The following SORBS2 variants were observed in gnomAD, a reference collection of about 807,000 sequenced individuals.
SORBS2 encodes the protein sorbin and SH3 domain-containing protein 2.
Under a neutral mutation model 97.7 loss-of-function variants are expected in SORBS2, and 46 were observed. The ratio of observed to expected loss-of-function variants is 0.47; its 90% CI spans 0.37 to 0.60. The LOEUF is 0.60. SORBS2 is among the 20% of genes least tolerant of loss of function. The pLI is 0.00. For missense variants in SORBS2, 1,316 were observed against 1,282.3 expected, an observed-to-expected ratio of 1.03 and a Z score of -0.40; for synonymous variants, 476 against 473.4, an observed-to-expected ratio of 1.01 and a Z score of -0.07.
chr4:185,646,464 T>C, intron 4 of SORBS2: 1 of 504,340 alleles, frequency 2.0e-6, no homozygotes, highest in Non-Finnish European at 3.5e-6. Context: ...CACATACACT[T>C]GTATTTGGTC....
intron 4 of SORBS2, among the ~76,000 whole-genome samples, chr4:185,664,112 C>A (rs2097563734): frequency 6.6e-6 from 1 of 151,998 alleles, no homozygotes; most frequent in African/African-American, 2.4e-5. Context: ...CCTCGGCCTC[C>A]CAAAGTGCTG....
chr4:185,733,782 A>C (rs1212148646), intron 2 of SORBS2, among the ~76,000 whole-genome samples: 1 of 152,170 alleles, frequency 6.6e-6, no homozygotes, highest in Non-Finnish European at 1.5e-5. Flanking sequence ...ACTCTGGGAG[A>C]AAAAAGCGAG....
Position 185,631,430 on chromosome 4 carries a change from C to T in SORBS2, c.397-832G>A, listed in dbSNP as rs368847688. On this transcript the variant is annotated intron_variant, in intron 4 of 14. Coordinates refer to ENST00000418609, the Ensembl canonical transcript of SORBS2. ...AAGGCAAGAGAGGACACTGAGCTAT[C>T]AAGTGTTTGAGGTGACACTGTGGTA... Among the ~76,000 whole-genome samples, 4 of 152,284 alleles carry T rather than the reference C, an allele frequency of 2.6e-5. No individual in the cohort carries two copies. In the East Asian group the frequency reaches 5.8e-4, roughly 22 times the overall value.
chr4:185,932,431 G>A (rs553839391), intron 1 of SORBS2, among the ~76,000 whole-genome samples: 30 of 151,950 alleles, frequency 2.0e-4, no homozygotes, highest in African/African-American at 7.0e-4. Flanking sequence ...TGGATGGCAA[G>A]GATGATTTTT....
chr4:185,869,883 G>A (rs934039264), intron 1 of SORBS2, among the ~76,000 whole-genome samples: 4 of 152,136 alleles, frequency 2.6e-5, no homozygotes, highest in East Asian at 1.9e-4. Flanking sequence ...TGGATTTCTC[G>A]AGGAATAATT....
rs574381180 is a variant in SORBS2, at chr4:185,595,894, TAA to T, written c.2797-1961_2797-1960del. On this transcript the variant is annotated intron_variant, in intron 12 of 14. Coordinates refer to ENST00000418609, the Ensembl canonical transcript of SORBS2. The stretch of plus-strand genomic sequence containing the variant: ...AAACTTCTGGCCAAAGAGTATGCAT[TAA>T]AGCCATATGATTTTGAGAATGTACA... Among the ~76,000 whole-genome samples the T allele has an allele frequency of 2.6e-5, 4 of 152,248 alleles. No homozygotes were observed. In the South Asian group the frequency reaches 8.3e-4, roughly 32 times the overall value.
rs142466007 is a variant in SORBS2 at position 185,861,108 on chromosome 4, G to A, written c.-337-85742C>T. Among the ~76,000 whole-genome samples, 763 of 152,202 alleles carry A rather than the reference G, an allele frequency of 5.0e-3. 7 individuals are homozygous for A. Among genetic ancestry groups the A allele is most frequent in the African/African-American group, 0.017 (725 of 41,518 alleles). ...TCAGGGCCTGCTGTCTATCTTGTTG[G>A]CATCATTGCTATAAACAGTCTGTTT... is the stretch of plus-strand genomic sequence containing the variant. On this transcript the variant is annotated intron_variant, in intron 1 of 20. Coordinates refer to the SORBS2 transcript ENST00000284776.
At chr4:185,764,148 A>G (rs1401281022) in intron 2 of SORBS2, among the ~76,000 whole-genome samples, 1 of 152,222 alleles carries the variant, frequency 6.6e-6, no homozygotes, top group Non-Finnish European at 1.5e-5. Flanking sequence ...AAACTCAAGC[A>G]TATCCAGCCA....
chr4:185,768,718 AAC>A (rs1491212393), intron 2 of SORBS2, among the ~76,000 whole-genome samples: 2,361 of 144,178 alleles, frequency 0.016, 65 homozygotes, highest in African/African-American at 0.044. Flanking sequence ...AAAACAAAAA[AAC>A]AAAAAAAAAT....
intron 2 of SORBS2, among the ~76,000 whole-genome samples, chr4:185,765,962 G>T (rs1043883369): frequency 2.6e-5 from 4 of 151,870 alleles, no homozygotes; most frequent in African/African-American, 9.7e-5. Context: ...TAGTCATAGT[G>T]GATATAAAAA....
intron 8 of SORBS2, 27 bp from the exon 21 acceptor site, chr4:185,618,658 C>G: frequency 6.8e-7 from 1 of 1,479,016 alleles, no homozygotes; most frequent in South Asian, 1.5e-5. Flanking sequence ...ACAATTAGCA[C>G]TAATTTAAAA....
chr4:185,875,109 C>G (rs1348237063), intron 1 of SORBS2, among the ~76,000 whole-genome samples: 1 of 151,968 alleles, frequency 6.6e-6, no homozygotes, highest in Non-Finnish European at 1.5e-5. Flanking sequence ...ACATCCAAAT[C>G]TGAGGGTAAA....
chr4:185,867,094 C>T (rs2099227296), intron 1 of SORBS2, among the ~76,000 whole-genome samples: 1 of 152,094 alleles, frequency 6.6e-6, no homozygotes, highest in Admixed American at 6.6e-5. Flanking sequence ...TCACTGCAAC[C>T]CCCGCCTCCC....
At chr4:185,808,308 TCCTC>T (rs1328463988) in intron 1 of SORBS2, among the ~76,000 whole-genome samples, 1 of 152,142 alleles carries the variant, frequency 6.6e-6, no homozygotes, top group Non-Finnish European at 1.5e-5. Flanking sequence ...ATTTTAAACT[TCCTC>T]ATCAATTCTA....
At chr4:185,682,066 CA>C (rs1422765334) in intron 2 of SORBS2, among the ~76,000 whole-genome samples, 1 of 152,116 alleles carries the variant, frequency 6.6e-6, no homozygotes, top group Non-Finnish European at 1.5e-5. Flanking sequence ...TTTCTATGTA[CA>C]ATTATAACCC....
At chr4:185,640,170 G>A (rs2097103199) in intron 4 of SORBS2, among the ~76,000 whole-genome samples, 1 of 152,164 alleles carries the variant, frequency 6.6e-6, no homozygotes, top group Non-Finnish European at 1.5e-5. Flanking sequence ...AAAAGCCTAA[G>A]TTATCCAAAA....
At chr4:185,599,586 A>C (rs1401619193) in intron 12 of SORBS2, among the ~76,000 whole-genome samples, 1 of 152,256 alleles carries the variant, frequency 6.6e-6, no homozygotes, top group Non-Finnish European at 1.5e-5. Flanking sequence ...ACACAGAAGC[A>C]AACATGACCG....
At position 185,823,093 on chromosome 4, in the gene SORBS2, G is replaced by A. The variant is rs151302263; in HGVS notation, c.-337-47727C>T. ...GTTTTACGGAGTGTCAGAGGAATAC[G>A]TACTGACTCTTCCCCTGCCCGCTCC... On this transcript the variant is annotated intron_variant, in intron 1 of 20. Transcript: ENST00000284776. Among the ~76,000 whole-genome samples, 27 of 152,272 alleles carry A rather than the reference G, an allele frequency of 1.8e-4. 1 individual carries two copies. Among genetic ancestry groups the A allele is most frequent in the African/African-American group, 4.6e-4 (19 of 41,550 alleles).
At chr4:185,760,706 T>C (rs910947420) in intron 2 of SORBS2, among the ~76,000 whole-genome samples, 1 of 152,256 alleles carries the variant, frequency 6.6e-6, no homozygotes, top group Non-Finnish European at 1.5e-5. Context: ...TCGGCTGCCT[T>C]TCACAAATAC....
Sources: gnomAD v4.1 joint callset for allele counts (sites outside exome capture counted in the v4.1 genomes callset) on GRCh38, gnomAD v4.1.1 for gene constraint, MANE v1.5 for transcripts, NCBI Gene and HGNC (gene_info 2026-07-23, HGNC 2026-07-21) for gene names.